PDE1C: variants seen among roughly 807,000 people sequenced by gnomAD.
The protein encoded by PDE1C is phosphodiesterase 1C, also known as dual specificity calcium/calmodulin-dependent 3',5'-cyclic nucleotide phosphodiesterase 1C.
A neutral mutation model predicts 93.1 loss-of-function variants in PDE1C; 62 were observed. The ratio of observed to expected loss-of-function variants is 0.67; its 90% CI spans 0.54 to 0.82. The LOEUF (loss-of-function observed/expected upper bound fraction) is 0.82, where lower values mean the gene tolerates loss of function less well. Among genes scored for constraint, PDE1C ranks in the 40% least tolerant of loss-of-function variants. The pLI is 0.00. For missense variants in PDE1C, 742 were observed against 884.6 expected (o/e 0.84, Z 2.04); for synonymous variants, 325 against 310.1 (o/e 1.05, Z -0.50).
intron 3 of PDE1C, among the ~76,000 whole-genome samples, chr7:32,117,493 C>T (rs1318869653): frequency 2.0e-5 from 3 of 152,212 alleles, no homozygotes; most frequent in Non-Finnish European, 2.9e-5. Context: ...TAACTGGAAC[C>T]TAAGCCTTCT....
chr7:31,728,286 G>C, the PDE1C span, among the ~76,000 whole-genome samples: 7 of 152,238 alleles, frequency 4.6e-5, no homozygotes, highest in East Asian at 1.9e-4. Flanking sequence ...GGAGCCTAGA[G>C]CTGCCATTTG....
At chr7:32,083,860 A>G (rs957124109) in intron 3 of PDE1C, among the ~76,000 whole-genome samples, 2 of 152,192 alleles carry the variant, frequency 1.3e-5, no homozygotes, top group African/African-American at 4.8e-5. Context: ...AGCACTAAAC[A>G]TGGAAAGGAA....
chr7:32,051,683 T>G, intron 1 of PDE1C, 103 bp from the exon 2 acceptor site: 1 of 875,914 alleles, frequency 1.1e-6, no homozygotes, highest in Non-Finnish European at 1.9e-6. Context: ...CAACACTTCT[T>G]AGGGGGGTTT....
chr7:31,791,370 T>A (rs1053048697), intron 16 of PDE1C, among the ~76,000 whole-genome samples: 1 of 152,122 alleles, frequency 6.6e-6, no homozygotes, highest in African/African-American at 2.4e-5. Context: ...ATCACTTTAC[T>A]CCAATACTAG....
chr7:32,096,820 A>AAGATAGAAAGATAGAT (rs139722736), intron 3 of PDE1C, among the ~76,000 whole-genome samples: 2 of 144,482 alleles, frequency 1.4e-5, no homozygotes, highest in Non-Finnish European at 3.0e-5. Flanking sequence ...AGGGGATAGA[A>AAGATAGAAAGATAGAT]AGATAGATAG....
At chr7:32,060,151 T>A (rs1273814520) in intron 1 of PDE1C, among the ~76,000 whole-genome samples, 1 of 152,246 alleles carries the variant, frequency 6.6e-6, no homozygotes, top group Non-Finnish European at 1.5e-5. Flanking sequence ...CTAATTGAAT[T>A]ATTCACAGAG....
At chr7:32,101,989 A>G (rs1338422493) in intron 3 of PDE1C, among the ~76,000 whole-genome samples, 4 of 152,108 alleles carry the variant, frequency 2.6e-5, no homozygotes, top group African/African-American at 9.7e-5. Context: ...CCTTGAAACA[A>G]CCAGATTACA....
chr7:31,648,744 G>A, the PDE1C span, among the ~76,000 whole-genome samples: 2 of 152,194 alleles, frequency 1.3e-5, no homozygotes, highest in South Asian at 4.1e-4. Context: ...TTGGTTACCT[G>A]ATGGGAAGCT....
chr7:32,202,475 G>C (rs1805085210), intron 2 of PDE1C, among the ~76,000 whole-genome samples: 1 of 152,344 alleles, frequency 6.6e-6, no homozygotes, highest in East Asian at 1.9e-4. Flanking sequence ...GCTTTAGACA[G>C]AGTGGTGAGC....
At chr7:32,206,543 G>A (rs1158748690) in intron 2 of PDE1C, among the ~76,000 whole-genome samples, 1 of 152,174 alleles carries the variant, frequency 6.6e-6, no homozygotes, top group Non-Finnish European at 1.5e-5. Flanking sequence ...CCAATGTCAG[G>A]AGCCACAGTG....
At chr7:31,728,794 T>C in the PDE1C span, among the ~76,000 whole-genome samples, 1 of 152,182 alleles carries the variant, frequency 6.6e-6, no homozygotes, top group Non-Finnish European at 1.5e-5. Flanking sequence ...TTAGAGGAAC[T>C]CACAGAGGTG....
At chr7:31,688,345 CAATCTTA>C in the PDE1C span, among the ~76,000 whole-genome samples, 1 of 152,216 alleles carries the variant, frequency 6.6e-6, no homozygotes, top group Non-Finnish European at 1.5e-5. Context: ...TCACAGCATC[CAATCTTA>C]AAGTTGAGAG....
chr7:31,952,284 C>A (rs528309442), intron 2 of PDE1C, among the ~76,000 whole-genome samples: 3 of 151,526 alleles, frequency 2.0e-5, no homozygotes, highest in Non-Finnish European at 4.4e-5. Flanking sequence ...GAGTCTTGCT[C>A]TGTTATTTGG....
the PDE1C span, among the ~76,000 whole-genome samples, chr7:31,634,715 T>C: frequency 6.6e-6 from 1 of 151,978 alleles, no homozygotes; most frequent in African/African-American, 2.4e-5. Context: ...CAGGGCTTGG[T>C]GGTGGTGAAG....
At chr7:32,323,717 G>T (rs1194054168) in intron 1 of PDE1C, among the ~76,000 whole-genome samples, 1 of 152,196 alleles carries the variant, frequency 6.6e-6, no homozygotes, top group Admixed American at 6.5e-5. Context: ...GGAAACTCCT[G>T]AGTTCAACCA....
chr7:31,929,098 A>G (rs1477560892), intron 2 of PDE1C, among the ~76,000 whole-genome samples: 1 of 138,974 alleles, frequency 7.2e-6, no homozygotes, highest in African/African-American at 2.6e-5. Context: ...ATATTTACCA[A>G]GCAAATGGAA....
chr7:31,918,962 T>C (rs1235224725), intron 2 of PDE1C, among the ~76,000 whole-genome samples: 1 of 152,224 alleles, frequency 6.6e-6, no homozygotes, highest in South Asian at 2.1e-4. Flanking sequence ...GCTTTTCTTC[T>C]TTCCTGTTTC....
intron 3 of PDE1C, among the ~76,000 whole-genome samples, chr7:32,149,715 T>C (rs1801121893): frequency 6.6e-6 from 1 of 152,200 alleles, no homozygotes; most frequent in Non-Finnish European, 1.5e-5. Flanking sequence ...AGTTAAACGT[T>C]CATAAAGAAA....
intron 1 of PDE1C, among the ~76,000 whole-genome samples, chr7:32,413,523 C>T (rs1228649528): frequency 6.6e-6 from 1 of 152,116 alleles, no homozygotes; most frequent in Non-Finnish European, 1.5e-5. Flanking sequence ...CCAGAGTAAT[C>T]ACACTTACAG....
Sources: allele counts gnomAD v4.1 joint callset (sites outside exome capture counted in the v4.1 genomes callset), GRCh38; gene constraint gnomAD v4.1.1; transcripts MANE v1.5; gene names NCBI Gene and HGNC (gene_info 2026-07-23, HGNC 2026-07-21).